The following ACSM3 variants were observed in gnomAD, a reference collection of about 807,000 sequenced individuals.
ACSM3 encodes acyl-coenzyme A synthetase ACSM3, mitochondrial.
A neutral mutation model predicts 74.1 loss-of-function variants in ACSM3; 61 were observed. The observed-to-expected ratio is 0.82, with a 90% CI of 0.67 to 1.02. The LOEUF (loss-of-function observed/expected upper bound fraction) is 1.02, where lower values mean the gene tolerates loss of function less well. Ranked by LOEUF, ACSM3 falls within the 50% of genes least tolerant of loss-of-function variation. ACSM3 has a pLI of 0.00. For synonymous variants in ACSM3, 213 were observed against 241.5 expected (o/e 0.88, Z 1.09); for missense variants, 660 against 697.0 (o/e 0.95, Z 0.60).
chr16:20,709,110 C>T (rs1257603440), intron 1 of ACSM3, among the ~76,000 whole-genome samples: 3 of 152,106 alleles, frequency 2.0e-5, no homozygotes, highest in African/African-American at 7.2e-5. Context: ...TGCACATGTA[C>T]CCAAAGTATA....
At chr16:20,718,395 AC>A in intron 1 of ACSM3, 2 of 929,662 alleles carry the variant, frequency 2.2e-6, no homozygotes, top group Non-Finnish European at 2.9e-6. Flanking sequence ...GAAGTCAAGA[AC>A]CAGTGGCCAT....
At chr16:20,758,597 A>G (rs955605727) in intron 3 of ACSM3, among the ~76,000 whole-genome samples, 2 of 152,028 alleles carry the variant, frequency 1.3e-5, no homozygotes, top group African/African-American at 4.8e-5. Context: ...GGATTCATTA[A>G]TTTTTTGAAG....
chr16:20,725,103 C>G (rs1039825534), intron 1 of ACSM3, among the ~76,000 whole-genome samples: 1 of 152,118 alleles, frequency 6.6e-6, no homozygotes, highest in Non-Finnish European at 1.5e-5. Flanking sequence ...AACAAAGCTG[C>G]AGGCATCACG....
intron 1 of ACSM3, chr16:20,682,398 A>C: frequency 1.2e-6 from 2 of 1,614,048 alleles, no homozygotes; most frequent in Non-Finnish European, 1.7e-6. Flanking sequence ...TTGGCTTTAG[A>C]CAACTGTAGT....
Position 20,777,490 on chromosome 16 carries a change from C to G in ACSM3, c.548C>G (p.Ala183Gly), listed in dbSNP as rs1398725002. Residue 183 changes from alanine to glycine, a missense_variant, in exon 4 of 14, where the codon GCT becomes GGT. By Grantham distance (60) the Ala-to-Gly change is moderately conservative. Transcript: ENST00000289416. The stretch of plus-strand genomic sequence containing the variant: ...GATGTTTTAGCCCCAGCAGTAGACG[C>G]TGTTGCATCCAAATGTGAAAATCTG... ...TNDVLAPAVD[A>G]VASKCENLHS... 1.2e-6 allele frequency: 2 copies of G among 1,614,062 alleles called. No individual in the cohort carries two copies. The highest frequency in any genetic ancestry group is 4.5e-5 in the East Asian group (2 of 44,862).
chr16:20,742,000 T>A, intron 1 of ACSM3: 1 of 1,496,080 alleles, frequency 6.7e-7, no homozygotes, highest in East Asian at 2.6e-5. Flanking sequence ...GCAGCCATTC[T>A]GGAAGTGGTG....
At chr16:20,677,740 C>G (rs1223055616) in intron 1 of ACSM3, among the ~76,000 whole-genome samples, 10 of 152,128 alleles carry the variant, frequency 6.6e-5, no homozygotes, top group Non-Finnish European at 4.4e-5. Context: ...ACAGAAACTT[C>G]TGCTTAGAAA....
At chr16:20,781,611 C>T (rs2080354242) in intron 6 of ACSM3, 97 bp from the exon 7 acceptor site, 10 of 924,778 alleles carry the variant, frequency 1.1e-5, no homozygotes, top group Admixed American at 1.8e-5. Context: ...TTTACATTAA[C>T]ATAAACAATG....
intron 1 of ACSM3, among the ~76,000 whole-genome samples, chr16:20,714,948 A>G (rs1487201651): frequency 6.6e-6 from 1 of 152,216 alleles, no homozygotes; most frequent in Non-Finnish European, 1.5e-5. Flanking sequence ...TCACTCACAG[A>G]TTGTGATGTC....
intron 1 of ACSM3, among the ~76,000 whole-genome samples, chr16:20,694,616 C>T (rs930246196): frequency 3.9e-5 from 6 of 152,124 alleles, no homozygotes; most frequent in African/African-American, 1.4e-4. Flanking sequence ...TTCCTGAAGA[C>T]AGTCCAAACA....
At chr16:20,757,836 T>C (rs199852853) in intron 3 of ACSM3, among the ~76,000 whole-genome samples, 19,781 of 151,278 alleles carry the variant, frequency 0.13, 1,230 homozygotes, top group East Asian at 0.21. Flanking sequence ...TTGAGAGTTT[T>C]TAGCATGAAG....
chr16:20,781,219 C>A, intron 6 of ACSM3, 89 bp downstream of exon 6: 2 of 1,444,100 alleles, frequency 1.4e-6, no homozygotes, highest in South Asian at 1.3e-5. Flanking sequence ...TTGCAGAGAT[C>A]AGAGTAGACA....
At chr16:20,736,393 A>AAC (rs1555482560) in intron 1 of ACSM3, 1 of 152,872 alleles carries the variant, frequency 6.5e-6, no homozygotes, top group African/African-American at 2.4e-5. Flanking sequence ...AAAAAAAAAA[A>AAC]AAACAGACAT....
chr16:20,681,093 C>A (rs912527080), intron 1 of ACSM3: 71 of 152,284 alleles, frequency 4.7e-4, no homozygotes, highest in African/African-American at 1.6e-3. Flanking sequence ...TATTGGCCAG[C>A]TACCTGGGTG....
chr16:20,742,737 C>G (rs1423227039), intron 1 of ACSM3, among the ~76,000 whole-genome samples: 1 of 150,646 alleles, frequency 6.6e-6, no homozygotes, highest in Non-Finnish European at 1.5e-5. Context: ...GACTCTGGAG[C>G]CCAGGCTGTT....
At chr16:20,729,264 G>T in intron 1 of ACSM3, 1 of 1,199,488 alleles carries the variant, frequency 8.3e-7, no homozygotes, top group South Asian at 1.2e-5. Flanking sequence ...ACGGTAAGGG[G>T]AGATTTTTAT....
intron 1 of ACSM3, chr16:20,728,320 T>C: frequency 2.5e-6 from 2 of 804,654 alleles, no homozygotes; most frequent in Non-Finnish European, 4.0e-6. Flanking sequence ...ACTGTACAAC[T>C]ATTTACAACC....
At chr16:20,690,876 A>T in intron 1 of ACSM3, 1 of 930,838 alleles carries the variant, frequency 1.1e-6, no homozygotes, top group Non-Finnish European at 1.6e-6. Flanking sequence ...AGCTTCTTCC[A>T]CAACACTGAT....
At chr16:20,736,582 A>G (rs1382421825) in intron 1 of ACSM3, 12 of 303,546 alleles carry the variant, frequency 4.0e-5, no homozygotes, top group Non-Finnish European at 6.1e-5. Context: ...CAGGTAGTTC[A>G]CTCCCTTAAG....
Sources: gnomAD v4.1 joint callset for allele counts (sites outside exome capture counted in the v4.1 genomes callset) on GRCh38, gnomAD v4.1.1 for gene constraint, MANE v1.5 for transcripts, NCBI Gene and HGNC (gene_info 2026-07-23, HGNC 2026-07-21) for gene names.